Variants in NCOA1 observed in about 807,000 individuals in gnomAD.
NCOA1 encodes nuclear receptor coactivator 1, also known as Hin-2 protein.
In NCOA1, 35 loss-of-function variants were observed where a neutral mutation model predicts 150.9. That is an observed-to-expected ratio of 0.23 (90% CI 0.18 to 0.31). The LOEUF (loss-of-function observed/expected upper bound fraction) is 0.31, where lower values mean the gene tolerates loss of function less well. NCOA1 is among the 10% of genes least tolerant of loss of function. The pLI is 1.00. For missense variants in NCOA1, 1,491 were observed against 1,749.3 expected (o/e 0.85, Z 2.63); for synonymous variants, 590 against 630.0 (o/e 0.94, Z 0.95).
At chr2:24,513,451 A>G (rs753843300) in intron 1 of NCOA1, among the ~76,000 whole-genome samples, 7 of 151,258 alleles carry the variant, frequency 4.6e-5, no homozygotes, top group Admixed American at 6.6e-5. Flanking sequence ...CTACATCACA[A>G]TTTACTTACT....
chr2:24,509,515 CTAAG>C (rs879426480), intron 1 of NCOA1, among the ~76,000 whole-genome samples: 13 of 152,222 alleles, frequency 8.5e-5, no homozygotes, highest in Admixed American at 8.5e-4. Flanking sequence ...TTGCCTATAA[CTAAG>C]TGACAGTGAA....
At chr2:24,641,651 C>G (rs1572530390) in intron 3 of NCOA1, among the ~76,000 whole-genome samples, 2 of 152,098 alleles carry the variant, frequency 1.3e-5, no homozygotes. Context: ...CTCCCCACCC[C>G]CCTTCAGCAT....
intron 19 of NCOA1, among the ~76,000 whole-genome samples, chr2:24,745,486 T>C (rs1663870182): frequency 6.6e-6 from 1 of 152,156 alleles, no homozygotes; most frequent in Admixed American, 6.5e-5. Context: ...ATTAAGGCAG[T>C]ATTCAAAGTA....
chr2:24,679,229 C>A (rs181943852), intron 7 of NCOA1, among the ~76,000 whole-genome samples: 1 of 152,156 alleles, frequency 6.6e-6, no homozygotes, highest in South Asian at 2.1e-4. Context: ...GTATGCAGTA[C>A]AACATAAAAC....
At chr2:24,601,509 C>G (rs1294867389) in intron 3 of NCOA1, among the ~76,000 whole-genome samples, 2 of 152,032 alleles carry the variant, frequency 1.3e-5, no homozygotes, top group South Asian at 2.1e-4. Context: ...GCCACTGCAT[C>G]TGGTCAGATC....
intron 22 of NCOA1, among the ~76,000 whole-genome samples, chr2:24,763,805 A>G (rs1010651078): frequency 6.6e-6 from 1 of 151,612 alleles, no homozygotes; most frequent in Admixed American, 6.6e-5. Context: ...TCTTTTCAGT[A>G]GAGACAGGTT....
intron 17 of NCOA1, among the ~76,000 whole-genome samples, chr2:24,737,450 C>T (rs1210558264): frequency 6.6e-6 from 1 of 152,176 alleles, no homozygotes; most frequent in Non-Finnish European, 1.5e-5. Flanking sequence ...TACTACTTGT[C>T]AGGCATCTTT....
chr2:24,501,409 C>G lies in NCOA1; in HGVS notation c.-396+9807C>G, dbSNP rs536430342. ...ACCATGTTCATTTACATTGCTGTCA[C>G]CAAAAGTAGTGAGTGGTATTAATAT... is the stretch of plus-strand genomic sequence containing the variant. On this transcript the variant is annotated intron_variant, in intron 1 of 22. Coordinates refer to ENST00000348332, the MANE Select transcript of NCOA1 (RefSeq NM_003743.5). Among the ~76,000 whole-genome samples the G allele has an allele frequency of 2.0e-5, 3 of 152,040 alleles. No individual in the cohort carries two copies. The South Asian group carries it at 6.2e-4, about 32-fold the overall frequency.
chr2:24,551,921 A>C (rs1166986127), intron 1 of NCOA1, among the ~76,000 whole-genome samples: 4 of 152,108 alleles, frequency 2.6e-5, no homozygotes, highest in African/African-American at 7.2e-5. Flanking sequence ...CTTTCTATTG[A>C]GTTACCCTGG....
At chr2:24,670,412 G>C (rs1214153378) in intron 6 of NCOA1, among the ~76,000 whole-genome samples, 1 of 152,102 alleles carries the variant, frequency 6.6e-6, no homozygotes. Flanking sequence ...CTGAAAAGTA[G>C]AAACTACCCA....
rs1662810155 is a variant in NCOA1, at chr2:24,728,437, T to C, written c.2847T>C (p.Ala949=). 1.2e-6 allele frequency: 2 copies of C among 1,613,804 alleles called. No individual in the cohort carries two copies. Among genetic ancestry groups the C allele is most frequent in the African/African-American group, 2.7e-5 (2 of 74,910 alleles). The stretch of plus-strand genomic sequence containing the variant: ...GTGGCAAAGATGAAACTGAGCTAGC[T>C]GAACTAGACAGAGCTCTGGGAATTG... The part of the protein sequence containing the change: ...FLSGKDETEL[A]ELDRALGIDK... The change falls in exon 16 of 23, where the codon GCT becomes GCC. Residue 949 remains alanine, a synonymous_variant. Transcript: ENST00000348332.
At chr2:24,524,590 C>T (rs1664571828) in intron 1 of NCOA1, among the ~76,000 whole-genome samples, 1 of 152,152 alleles carries the variant, frequency 6.6e-6, no homozygotes, top group South Asian at 2.1e-4. Context: ...TGTGCCTGGC[C>T]TCCCCTACTT....
At position 24,503,274 on chromosome 2, in the gene NCOA1, G is replaced by A. The variant is rs190360741; in HGVS notation, c.-396+11672G>A. On this transcript the variant is annotated intron_variant, in intron 1 of 22. Transcript: ENST00000348332. ...TACAACATAAGAAGTTGGCTGTAAA[G>A]GGATATCTCAAAAGTCTGGTGTAGC... is the stretch of plus-strand genomic sequence containing the variant. Among the ~76,000 whole-genome samples the A allele has an allele frequency of 3.1e-3, 473 of 152,304 alleles. 3 individuals carry two copies. Among genetic ancestry groups the A allele is most frequent in the Non-Finnish European group, 5.1e-3 (347 of 68,032 alleles).
intron 17 of NCOA1, 49 bp downstream of exon 17, chr2:24,729,864 A>T (rs1379268951): frequency 7.0e-7 from 1 of 1,419,888 alleles, no homozygotes; most frequent in Non-Finnish European, 9.2e-7. Context: ...TTTGAGACGA[A>T]GTCTCACCTG....
At chr2:24,614,784 A>C (rs1668801925) in intron 3 of NCOA1, among the ~76,000 whole-genome samples, 1 of 152,192 alleles carries the variant, frequency 6.6e-6, no homozygotes, top group Non-Finnish European at 1.5e-5. Flanking sequence ...TCTTCATGTA[A>C]ACTTAGATAA....
intron 1 of NCOA1, among the ~76,000 whole-genome samples, chr2:24,511,270 C>T (rs1663924081): frequency 2.0e-5 from 3 of 152,140 alleles, no homozygotes; most frequent in African/African-American, 7.2e-5. Context: ...CAAGTTTTTG[C>T]ATGGACATAT....
At chr2:24,518,252 T>C (rs554821235) in intron 1 of NCOA1, among the ~76,000 whole-genome samples, 6 of 152,250 alleles carry the variant, frequency 3.9e-5, no homozygotes, top group Admixed American at 3.9e-4. Flanking sequence ...TCTCAATAAA[T>C]GCAGAAAAAG....
chr2:24,732,118 T>C (rs1287910907), intron 17 of NCOA1, among the ~76,000 whole-genome samples: 8 of 152,224 alleles, frequency 5.3e-5, no homozygotes, highest in Admixed American at 5.2e-4. Context: ...AATGGAATGA[T>C]GATTCATGCT....
At chr2:24,695,383 G>T (rs1046222559) in intron 10 of NCOA1, among the ~76,000 whole-genome samples, 4 of 152,074 alleles carry the variant, frequency 2.6e-5, no homozygotes, top group Non-Finnish European at 5.9e-5. Context: ...GCCCTTTGCC[G>T]AGAATGGACA....
Sources: gnomAD v4.1 joint callset for allele counts (sites outside exome capture counted in the v4.1 genomes callset) on GRCh38, gnomAD v4.1.1 for gene constraint, MANE v1.5 for transcripts, NCBI Gene and HGNC (gene_info 2026-07-23, HGNC 2026-07-21) for gene names.